Variants in NFATC4 observed in about 807,000 individuals in gnomAD.
The protein encoded by NFATC4 is nuclear factor of activated T cells 4, also known as nuclear factor of activated T-cells, cytoplasmic 4.
Under a neutral mutation model 73.4 loss-of-function variants are expected in NFATC4, and 25 were observed. The ratio of observed to expected loss-of-function variants is 0.34; its 90% CI spans 0.25 to 0.48. NFATC4 has a LOEUF of 0.48. Among genes scored for constraint, NFATC4 ranks in the 20% least tolerant of loss-of-function variants. The pLI, the probability that NFATC4 is intolerant of heterozygous loss-of-function variation, is 0.99. For missense variants in NFATC4, 1,130 were observed against 1,203.7 expected, an observed-to-expected ratio of 0.94 and a Z score of 0.91; for synonymous variants, 523 against 510.3, an observed-to-expected ratio of 1.02 and a Z score of -0.34.
At chr14:24,369,465 C>T (rs1231657668) in intron 1 of NFATC4, 34 bp from the exon 2 acceptor site, 3 of 1,612,632 alleles carry the variant, frequency 1.9e-6, no homozygotes, top group Non-Finnish European at 2.5e-6. Context: ...CTCTCTTTCC[C>T]CCTCTCCCTC....
intron 5 of NFATC4, 29 bp from the exon 6 acceptor site, chr14:24,374,297 C>T (rs1430554450): frequency 1.9e-6 from 3 of 1,582,894 alleles, no homozygotes; most frequent in East Asian, 2.2e-5. Context: ...CCCAGCCCAG[C>T]CAGTCCTCTT....
Position 24,373,034 on chromosome 14 carries a change from G to GT in NFATC4, c.1360-135dup. The GT allele has an allele frequency of 1.1e-6, 1 of 887,880 alleles. No homozygotes were observed. Among genetic ancestry groups the GT allele is most frequent in the South Asian group, 1.8e-5 (1 of 57,050 alleles). The allele number at this position is 887,880 out of a possible 1,614,324, so 55.0% of individuals were successfully genotyped here. A position where few individuals can be genotyped will look rare whatever the true frequency, so the allele number is the denominator to read the frequency against. Reference sequence around the variant, plus strand: ...ATGTTTTCTCCACAACGGGTGCCCAGTTCCCCAAGGGATTCCCTTGCAGGA... The same window carrying GT: ...ATGTTTTCTCCACAACGGGTGCCCAGTTTCCCCAAGGGATTCCCTTGCAGGA... On this transcript the variant is annotated intron_variant, in intron 3 of 9. Transcript: ENST00000250373. The surrounding 1 kb of genome is among the most constrained non-coding windows in gnomAD (Gnocchi z 4.7).
Position 24,376,930 on chromosome 14 carries a change from T to A in NFATC4, c.2641+52T>A, listed in dbSNP as rs761945565. On this transcript the variant is annotated intron_variant, in intron 9 of 9. Coordinates refer to ENST00000250373, the MANE Select transcript of NFATC4 (RefSeq NM_004554.5). The surrounding 1 kb of genome is among the most constrained non-coding windows in gnomAD (Gnocchi z 5.0). ...TGTGAGTGTGTGCAAGAGATTGCTC[T>A]GCATGTTTGCTGAGGGCTGGAGCTG... The A allele has an allele frequency of 6.8e-7, 1 of 1,466,054 alleles. No homozygotes were observed. The highest frequency in any genetic ancestry group is 9.0e-7 in the Non-Finnish European group (1 of 1,110,136). 90.8% of individuals were successfully genotyped at this position (1,466,054 alleles called of 1,614,324 possible).
chr14:24,370,617 C>T (rs563480110), intron 2 of NFATC4, 23 bp downstream of exon 2: 2 of 1,589,304 alleles, frequency 1.3e-6, no homozygotes, highest in South Asian at 2.3e-5. Context: ...CCTGGCACTA[C>T]CGCTCTCTCT....
Position 24,373,833 on chromosome 14 carries a change from C to T in NFATC4, c.1698C>T (p.Val566=), listed in dbSNP as rs200783328. The T allele has an allele frequency of 1.2e-6, 2 of 1,614,076 alleles. No homozygotes were observed. The highest frequency in any genetic ancestry group is 2.7e-5 in the African/African-American group (2 of 75,056). ...TGCCCCAGGGCGGCGGGAAGGTCGT[C>T]TCAGTACAGGCAGCATCGGTGCCCA... ...VHVPQGGGKV[V]SVQAASVPIE... is the part of the protein sequence containing the mutation. The change falls in exon 5 of 10, where the codon GTC becomes GTT. Residue 566 remains valine (V), a synonymous_variant. Transcript: ENST00000250373. The surrounding 1 kb of genome is among the most constrained non-coding windows in gnomAD (Gnocchi z 4.7).
rs2139318925 is a variant in NFATC4 at position 24,378,156 on chromosome 14, G to A, written c.*451G>A. The A allele has an allele frequency of 5.6e-6, 1 of 179,666 alleles. No individual in the cohort carries two copies. The highest frequency in any genetic ancestry group is 1.3e-4 in the East Asian group (1 of 7,448). The allele number at this position is 179,666 out of a possible 1,614,324, so 11.1% of individuals were successfully genotyped here. On this transcript the variant is annotated 3_prime_UTR_variant, in exon 10 of 10. Coordinates refer to ENST00000250373, the MANE Select transcript of NFATC4 (RefSeq NM_004554.5). ...GTTGGAAAGAGATGGAATGTGGCTG[G>A]GAACATTGCATCCCAAAGAGCTTCT...
chr14:24,368,362 G>C lies in NFATC4; in HGVS notation c.22G>C (p.Asp8His). ...ATCCATGGGGGCGGCCAGCTGCGAG[G>C]ATGAGGAGCTGGAATTTAAGCTGGT... MGAASCE[D>H]EELEFKLVFG... is the part of the protein sequence containing the mutation. Residue 8 changes from aspartate (D) to histidine (H), a missense_variant, in exon 1 of 10, where the codon GAT becomes CAT. Transcript: ENST00000250373. 7.2e-7 allele frequency: 1 copy of C among 1,381,756 alleles called. No individual in the cohort carries two copies. Among genetic ancestry groups the C allele is most frequent in the Middle Eastern group, 2.6e-4 (1 of 3,784 alleles). The allele number at this position is 1,381,756 out of a possible 1,614,324, so 85.6% of individuals were successfully genotyped here.
Position 24,374,333 on chromosome 14 carries a change from C to T in NFATC4, c.1740C>T (p.Arg580=), listed in dbSNP as rs766813052. ...AASVPIECSQ[R]SAQELPQVEA... ...CCTTGCACTGCTCTGCAGCCCAGCG[C>T]TCAGCCCAGGAGCTGCCCCAGGTGG... Residue 580 remains arginine (R), a synonymous_variant, in exon 6 of 10, where the codon CGC becomes CGT. Coordinates refer to ENST00000250373, the MANE Select transcript of NFATC4 (RefSeq NM_004554.5). 6.2e-7 allele frequency: 1 copy of T among 1,611,206 alleles called. No individual in the cohort carries two copies. Among genetic ancestry groups the T allele is most frequent in the Non-Finnish European group, 8.5e-7 (1 of 1,178,688 alleles).
At chr14:24,367,678 T>C, upstream of NFATC4, 2 of 1,534,744 alleles carry the variant, frequency 1.3e-6, no homozygotes, top group Non-Finnish European at 1.7e-6. Flanking sequence ...AGAATAGCCT[T>C]TTCCTCTTCC....
At position 24,370,504 on chromosome 14, in the gene NFATC4, G is replaced by A. The variant is rs753054199; in HGVS notation, c.1106G>A (p.Arg369Gln). The A allele has an allele frequency of 6.6e-5, 106 of 1,614,136 alleles. No homozygotes were observed. Among genetic ancestry groups the A allele is most frequent in the Middle Eastern group, 1.7e-4 (1 of 6,060 alleles). ...TCTGTGGCTCCTCCAGGAGGTTCCC[G>A]GAAGGAGGTGGCTGGCATGGACTAC... ...EESVAPPGGS[R>Q]KEVAGMDYLA... Residue 369 changes from arginine (R) to glutamine (Q), a missense_variant, in exon 2 of 10, where the codon CGG (arginine) becomes CAG (glutamine). Arg to Gln is a conservative substitution (Grantham distance 43). Coordinates refer to ENST00000250373, the MANE Select transcript of NFATC4 (RefSeq NM_004554.5).
Position 24,373,545 on chromosome 14 carries a change from G to A in NFATC4, c.1560-150G>A. 1 of 1,375,692 alleles carries A rather than the reference G, an allele frequency of 7.3e-7. No individual in the cohort carries two copies. Among genetic ancestry groups the A allele is most frequent in the Non-Finnish European group, 9.9e-7 (1 of 1,006,534 alleles). The allele number at this position is 1,375,692 out of a possible 1,614,324, so 85.2% of individuals were successfully genotyped here. On this transcript the variant is annotated intron_variant, in intron 4 of 9. Coordinates refer to ENST00000250373, the MANE Select transcript of NFATC4 (RefSeq NM_004554.5). This position sits in a 1 kb window ranked among gnomAD's most constrained non-coding sequence, Gnocchi z 4.7. ...CTTTTGGGGTTGGGGGTACCCCAGA[G>A]AGGCCATCTCTGGGTTAGAAAATAG... is the stretch of plus-strand genomic sequence containing the variant.
rs1336566595 is a variant in NFATC4, at chr14:24,370,374, A to T, written c.976A>T (p.Ile326Phe). 6.2e-7 allele frequency: 1 copy of T among 1,613,924 alleles called. No individual in the cohort carries two copies. Among genetic ancestry groups the T allele is most frequent in the South Asian group, 1.1e-5 (1 of 91,088 alleles). Reference protein sequence around the residue: ...DYVGAPPAESIPQKTRRTSSE... With the variant: ...DYVGAPPAESFPQKTRRTSSE... Reference sequence around the variant, plus strand: ...TGTGGGGGCCCCACCAGCTGAGAGCATCCCTCAGAAGACACGGCGGACTTC... The same window carrying T: ...TGTGGGGGCCCCACCAGCTGAGAGCTTCCCTCAGAAGACACGGCGGACTTC... The change falls in exon 2 of 10, where the codon ATC becomes TTC. Residue 326 changes from isoleucine to phenylalanine, a missense_variant. Coordinates refer to ENST00000250373, the MANE Select transcript of NFATC4 (RefSeq NM_004554.5).
In NFATC4 at chr14:24,372,428, C is replaced by A. The variant is rs764522058; in HGVS notation, c.1197-13C>A. The stretch of plus-strand genomic sequence containing the variant: ...GAGGCTGCACATGATCAATGCTCTT[C>A]TCTCCCACCCAGGACCTCTGCCCTA... On this transcript the variant is annotated splice_polypyrimidine_tract_variant and intron_variant, in intron 2 of 9. Transcript: ENST00000250373. 2.5e-6 allele frequency: 4 copies of A among 1,611,278 alleles called. No homozygotes were observed. The highest frequency in any genetic ancestry group is 3.4e-6 in the Non-Finnish European group (4 of 1,179,558).
At position 24,377,713 on chromosome 14, in the gene NFATC4, G is replaced by A. The variant is rs1192659912; in HGVS notation, c.*8G>A. 6.2e-7 allele frequency: 1 copy of A among 1,614,188 alleles called. No homozygotes were observed. Among genetic ancestry groups the A allele is most frequent in the Non-Finnish European group, 8.5e-7 (1 of 1,180,028 alleles). ...GAAGAGCCTCCTGCCTGAACCACGT[G>A]AACTGTCATCACCTGGCAACCCCAG... On this transcript the variant is annotated 3_prime_UTR_variant, in exon 10 of 10. Transcript: ENST00000250373. This position sits in a 1 kb window ranked among gnomAD's most constrained non-coding sequence, Gnocchi z 4.2.
At position 24,375,629 on chromosome 14, in the gene NFATC4, T is replaced by C. The variant is rs1324077740; in HGVS notation, c.1874-31T>C. The stretch of plus-strand genomic sequence containing the variant: ...GGGCAGGGGACAGGGGCGCTGGAGT[T>C]GGGCTGCAGCTCTCTGTTCCCTCTG... On this transcript the variant is annotated intron_variant, in intron 6 of 9. Coordinates refer to ENST00000250373, the MANE Select transcript of NFATC4 (RefSeq NM_004554.5). 3 of 1,551,052 alleles carry C rather than the reference T, an allele frequency of 1.9e-6. No individual in the cohort carries two copies. The Admixed American group carries it at 5.9e-5, about 30-fold the overall frequency.
Position 24,370,393 on chromosome 14 carries a change from G to A in NFATC4, c.995G>A (p.Arg332Gln), listed in dbSNP as rs1201942276. 3 of 1,613,874 alleles carry A rather than the reference G, an allele frequency of 1.9e-6. No homozygotes were observed. Among genetic ancestry groups the A allele is most frequent in the East Asian group, 2.2e-5 (1 of 44,894 alleles). ...GAGAGCATCCCTCAGAAGACACGGC[G>A]GACTTCCAGCGAGCAGGCAGTGGCT... ...PAESIPQKTR[R>Q]TSSEQAVALP... The change falls in exon 2 of 10, where the codon CGG (arginine) becomes CAG (glutamine). Residue 332 changes from arginine to glutamine, a missense_variant. Transcript: ENST00000250373.
At chr14:24,367,624 T>C, upstream of NFATC4, 1 of 1,536,104 alleles carries the variant, frequency 6.5e-7, no homozygotes, top group Non-Finnish European at 8.7e-7. Flanking sequence ...GCGCAAAGAC[T>C]TCCAGAAGGC....
chr14:24,370,669 T>G (rs1232313455), intron 2 of NFATC4, 75 bp downstream of exon 2: 1 of 1,522,246 alleles, frequency 6.6e-7, no homozygotes, highest in Non-Finnish European at 8.8e-7. Flanking sequence ...GGGATGGATT[T>G]GAAGACACTA....
chr14:24,375,744 G>T, intron 7 of NFATC4, 29 bp downstream of exon 7: 1 of 1,542,902 alleles, frequency 6.5e-7, no homozygotes, highest in Non-Finnish European at 8.8e-7. Flanking sequence ...TACCTCCTGG[G>T]GGGCGGGGGT....
Sources: allele counts gnomAD v4.1 joint callset, GRCh38; gene constraint gnomAD v4.1.1; non-coding constraint Gnocchi (gnomAD v3.1); transcripts MANE v1.5; gene names NCBI Gene and HGNC (gene_info 2026-07-23, HGNC 2026-07-21).